ZNF780A: variants seen among roughly 807,000 people sequenced by gnomAD.
The protein encoded by ZNF780A is zinc finger protein 780A.
In ZNF780A, 40 loss-of-function variants were observed where a neutral mutation model predicts 56.7. The ratio of observed to expected loss-of-function variants is 0.71; its 90% CI spans 0.55 to 0.92. ZNF780A has a LOEUF of 0.92. Ranked by LOEUF, ZNF780A falls within the 40% of genes least tolerant of loss-of-function variation. The pLI, the probability that ZNF780A is intolerant of heterozygous loss-of-function variation, is 0.00. For missense variants in ZNF780A, 672 were observed against 783.3 expected (o/e 0.86, Z 1.70); for synonymous variants, 231 against 248.3 (o/e 0.93, Z 0.66).
intron 5 of ZNF780A, among the ~76,000 whole-genome samples, chr19:40,080,360 G>C (rs138585186): frequency 9.7e-4 from 147 of 152,234 alleles, no homozygotes; most frequent in Non-Finnish European, 1.6e-3. Flanking sequence ...AATAGTTCTA[G>C]CCTAAAGTCA....
intron 5 of ZNF780A, among the ~76,000 whole-genome samples, chr19:40,076,445 C>G (rs550136167): frequency 1.3e-5 from 2 of 152,212 alleles, no homozygotes; most frequent in East Asian, 1.9e-4. Flanking sequence ...GAAAATGAAC[C>G]ACAGAAGATT....
chr19:40,083,283 T>A (rs774598992), intron 3 of ZNF780A, 46 bp from the exon 4 acceptor site: 2 of 1,607,812 alleles, frequency 1.2e-6, no homozygotes, highest in African/African-American at 2.7e-5. Flanking sequence ...AAGAAAGTTG[T>A]TTTAAGATGA....
chr19:40,081,790 T>A (rs1311058284), intron 5 of ZNF780A, 29 bp downstream of exon 5: 1 of 1,573,424 alleles, frequency 6.4e-7, no homozygotes, highest in South Asian at 1.1e-5. Flanking sequence ...CAATGATGGC[T>A]TCCCCCCGCC....
chr19:40,074,586 C>T lies in ZNF780A; in HGVS notation c.1856G>A (p.Gly619Glu), dbSNP rs994721196. The T allele has an allele frequency of 5.6e-6, 9 of 1,613,998 alleles. No homozygotes were observed. The African/African-American group carries it at 1.2e-4, about 22-fold the overall frequency. Residue 619 changes from glycine to glutamate, a missense_variant, in exon 6 of 6, where the codon GGA becomes GAA. By Grantham distance (98) the Gly-to-Glu change is moderately conservative. Coordinates refer to ENST00000683561, the MANE Select transcript of ZNF780A (RefSeq NM_001142578.2). ...CTGGGTGGGAAGACTAAAAACCTTT[C>T]CACATTCCTTACATTCAAAGGGTTT... ...GEKPFECKEC[G>E]KVFSLPTQLN... is the part of the protein sequence containing the mutation.
Position 40,073,078 on chromosome 19 carries a change from G to C in ZNF780A, c.*1438C>G. On this transcript the variant is annotated 3_prime_UTR_variant, in exon 6 of 6. Coordinates refer to ENST00000683561, the MANE Select transcript of ZNF780A (RefSeq NM_001142578.2). The stretch of plus-strand genomic sequence containing the variant: ...ATTGTCTATATTGTCTTCATGTTTG[G>C]TTGATACACACGTTGATTAAATAAA... The C allele has an allele frequency of 7.2e-7, 1 of 1,389,428 alleles. No individual in the cohort carries two copies. Among genetic ancestry groups the C allele is most frequent in the Non-Finnish European group, 9.3e-7 (1 of 1,074,068 alleles). The allele number at this position is 1,389,428 out of a possible 1,614,324, so 86.1% of individuals were successfully genotyped here. A position where few individuals can be genotyped will look rare whatever the true frequency, so the allele number is the denominator to read the frequency against.
In ZNF780A at chr19:40,074,626, A is replaced by G. The variant is rs74987550; in HGVS notation, c.1816T>C (p.Leu606=). The change falls in exon 6 of 6, where the codon TTG becomes CTG. Residue 606 remains leucine, a synonymous_variant. Coordinates refer to ENST00000683561, the MANE Select transcript of ZNF780A (RefSeq NM_001142578.2). ...LHMQLIRHQK[L]HTGEKPFECK... ...TCAAAGGGTTTCTCACCAGTATGCAATTTCTGATGTCGAATAAGTTGCATA... is the reference window on the plus strand; with the variant it reads ...TCAAAGGGTTTCTCACCAGTATGCAGTTTCTGATGTCGAATAAGTTGCATA... 2,113 of 1,611,822 alleles carry G rather than the reference A, an allele frequency of 1.3e-3. 13 individuals carry two copies. The African/African-American group carries it at 0.014, about 11-fold the overall frequency.
chr19:40,074,355 G>A lies in ZNF780A; in HGVS notation c.*161C>T. The A allele has an allele frequency of 6.5e-7, 1 of 1,530,970 alleles. No homozygotes were observed. Among genetic ancestry groups the A allele is most frequent in the Non-Finnish European group, 8.7e-7 (1 of 1,144,258 alleles). The allele number at this position is 1,530,970 out of a possible 1,614,324, so 94.8% of individuals were successfully genotyped here. ...GTCCTCCACTCCTTGCATACAAAGA[G>A]TTTCTCACTGGAATGAATTTTCTGA... is the stretch of plus-strand genomic sequence containing the variant. On this transcript the variant is annotated 3_prime_UTR_variant, in exon 6 of 6. Coordinates refer to ENST00000683561, the MANE Select transcript of ZNF780A (RefSeq NM_001142578.2).
intron 2 of ZNF780A, among the ~76,000 whole-genome samples, chr19:40,085,866 G>A (rs891946668): frequency 1.3e-5 from 2 of 151,720 alleles, no homozygotes; most frequent in African/African-American, 4.8e-5. Context: ...GCAACAGAGC[G>A]AGCCTTCATA....
rs1166299956 is a variant in ZNF780A at position 40,084,806 on chromosome 19, A to G, written c.-45-8T>C. 1.3e-6 allele frequency: 2 copies of G among 1,549,868 alleles called. No individual in the cohort carries two copies. Among genetic ancestry groups the G allele is most frequent in the Non-Finnish European group, 1.7e-6 (2 of 1,146,856 alleles). ...CTTCCTCGGGCTTCTCCCCTGGAAA[A>G]CAACAACAACAAAAAGGCCACAATT... On this transcript the variant is annotated splice_region_variant and splice_polypyrimidine_tract_variant and intron_variant, in intron 2 of 5. Coordinates refer to ENST00000683561, the MANE Select transcript of ZNF780A (RefSeq NM_001142578.2).
At position 40,077,853 on chromosome 19, in the gene ZNF780A, A is replaced by G. The variant is rs541428499; in HGVS notation, c.233-1644T>C. On this transcript the variant is annotated intron_variant, in intron 5 of 5. Transcript: ENST00000683561. ...AAGCCTCCCCTACAAAAGCAAATTC[A>G]AAAAAATGAGAATAAACACAGGAAA... Among the ~76,000 whole-genome samples, 8 of 152,086 alleles carry G rather than the reference A, an allele frequency of 5.3e-5. No individual in the cohort carries two copies. The East Asian group carries it at 1.5e-3, about 29-fold the overall frequency.
At position 40,084,804 on chromosome 19, in the gene ZNF780A, A is replaced by AAAC. The variant is rs757817155; in HGVS notation, c.-45-9_-45-7dup. 2 of 1,551,938 alleles carry AAAC rather than the reference A, an allele frequency of 1.3e-6. No individual in the cohort carries two copies. Among genetic ancestry groups the AAAC allele is most frequent in the East Asian group, 2.4e-5 (1 of 41,154 alleles). On this transcript the variant is annotated splice_region_variant and splice_polypyrimidine_tract_variant and intron_variant, in intron 2 of 5. Transcript: ENST00000683561. Reference sequence around the variant, plus strand: ...ATCTTCCTCGGGCTTCTCCCCTGGAAAACAACAACAACAAAAAGGCCACAA... The same window carrying AAAC: ...ATCTTCCTCGGGCTTCTCCCCTGGAAAACAACAACAACAACAAAAAGGCCACAA...
chr19:40,069,518 C>CA (rs1370898034), downstream of ZNF780A: 1 of 152,106 alleles, frequency 6.6e-6, no homozygotes, highest in Non-Finnish European at 1.5e-5. Context: ...GACAAATATC[C>CA]AAACTATAGC....
chr19:40,076,961 G>T (rs542015042), intron 5 of ZNF780A, among the ~76,000 whole-genome samples: 2 of 152,082 alleles, frequency 1.3e-5, no homozygotes, highest in Admixed American at 6.6e-5. Context: ...GAGCCAGAAG[G>T]TTGTCCTGTT....
In ZNF780A at chr19:40,075,906, T is replaced by C. The variant is rs548006299; in HGVS notation, c.536A>G (p.Asn179Ser). ...ATGAATACTCTGATGCTGAATAAGA[T>C]TTGCACTACGACTAAAGTATTTCCC... Reference protein sequence around the residue: ...ECGKYFSRSANLIQHQSIHTG... With the variant: ...ECGKYFSRSASLIQHQSIHTG... Residue 179 changes from asparagine to serine, a missense_variant, in exon 6 of 6, where the codon AAT (asparagine) becomes AGT (serine). Asn to Ser is a conservative substitution (Grantham distance 46). Transcript: ENST00000683561. The C allele has an allele frequency of 3.7e-6, 6 of 1,614,148 alleles. No homozygotes were observed. Among genetic ancestry groups the C allele is most frequent in the South Asian group, 3.3e-5 (3 of 91,082 alleles).
At chr19:40,089,273 G>A (rs1027528520) in intron 2 of ZNF780A, 3 of 1,427,178 alleles carry the variant, frequency 2.1e-6, no homozygotes, top group Non-Finnish European at 2.8e-6. Flanking sequence ...AAAACTTCAT[G>A]TTGCACATGA....
chr19:40,077,887 A>G (rs1280620589), intron 5 of ZNF780A, among the ~76,000 whole-genome samples: 2 of 151,908 alleles, frequency 1.3e-5, no homozygotes, highest in Admixed American at 6.5e-5. Context: ...AATAACAAAA[A>G]AAAAAAAAAG....
Position 40,075,833 on chromosome 19 carries a change from T to C in ZNF780A, c.609A>G (p.Arg203=), listed in dbSNP as rs1208742912. 6.2e-7 allele frequency: 1 copy of C among 1,612,152 alleles called. No individual in the cohort carries two copies. The stretch of plus-strand genomic sequence containing the variant: ...GATGTCGAGTAAATTGTATGTGAAG[T>C]CGAAAGGCTTTCCCACACTCCTTAC... ...FECKECGKAF[R]LHIQFTRHQK... is the part of the protein sequence containing the mutation. The change falls in exon 6 of 6, where the codon CGA becomes CGG. Residue 203 remains arginine (R), a synonymous_variant. Transcript: ENST00000683561.
intron 2 of ZNF780A, 53 bp downstream of exon 2, chr19:40,090,113 A>T (rs1316552744): frequency 6.6e-6 from 1 of 152,170 alleles, no homozygotes; most frequent in Non-Finnish European, 1.5e-5. Context: ...GGAAATCTCA[A>T]TATTCTAAAA....
rs1358965484 is a variant in ZNF780A, at chr19:40,076,067, T to C, written c.375A>G (p.Arg125=). 19 of 1,613,838 alleles carry C rather than the reference T, an allele frequency of 1.2e-5. 1 individual carries two copies. Among genetic ancestry groups the C allele is most frequent in the South Asian group, 7.7e-5 (7 of 91,022 alleles). The change falls in exon 6 of 6, where the codon AGA becomes AGG. Residue 125 remains arginine (R), a synonymous_variant. Transcript: ENST00000683561. ...GATATCCCTGTAGTCCCTCAAATTGTCTATATTCTGAGTCATTTCTAAAAT... is the reference window on the plus strand; with the variant it reads ...GATATCCCTGTAGTCCCTCAAATTGCCTATATTCTGAGTCATTTCTAAAAT... The part of the protein sequence containing the change: ...AFYFRNDSEY[R]QFEGLQGYQE...
Sources: gnomAD v4.1 joint callset for allele counts (sites outside exome capture counted in the v4.1 genomes callset) on GRCh38, gnomAD v4.1.1 for gene constraint, MANE v1.5 for transcripts, NCBI Gene and HGNC (gene_info 2026-07-23, HGNC 2026-07-21) for gene names.